The following RYR3 variants were observed in gnomAD, a reference collection of about 807,000 sequenced individuals.
RYR3 encodes ryanodine receptor 3, also known as brain ryanodine receptor-calcium release channel.
RYR3 carries 207 observed loss-of-function variants against 584.3 expected under a neutral mutation model. The ratio of observed to expected loss-of-function variants is 0.35; its 90% CI spans 0.32 to 0.40. The LOEUF is 0.40. Ranked by LOEUF, RYR3 falls within the 10% of genes least tolerant of loss-of-function variation. RYR3 has a pLI of 1.00. For missense variants in RYR3, 5,616 were observed against 6,089.2 expected, an observed-to-expected ratio of 0.92 and a Z score of 2.59; for synonymous variants, 2,416 against 2,248.5, an observed-to-expected ratio of 1.07 and a Z score of -2.11.
chr15:33,739,709 C>T (rs1401947857), intron 50 of RYR3, 123 bp from the exon 51 acceptor site: 13 of 717,926 alleles, frequency 1.8e-5, no homozygotes, highest in Admixed American at 3.0e-5. Context: ...ACACATTTCC[C>T]GTTTTGGTTA....
At chr15:33,781,361 C>T (rs959182354) in intron 65 of RYR3, among the ~76,000 whole-genome samples, 2 of 152,138 alleles carry the variant, frequency 1.3e-5, no homozygotes, top group Non-Finnish European at 2.9e-5. Context: ...TATTTTCAAC[C>T]AGAGCTTTTT....
At chr15:33,738,715 A>G (rs2069762444) in intron 50 of RYR3, 125 bp downstream of exon 50, 2 of 998,850 alleles carry the variant, frequency 2.0e-6, no homozygotes, top group South Asian at 1.6e-5. Flanking sequence ...TCACAAGCAT[A>G]TTACGCCAAT....
rs964676155 is a variant in RYR3, at chr15:33,785,991, C to T, written c.9589+9C>T. ...GATGAAGCGCATTGCAGGTACCGAC[C>T]CCTTTCTCCCCAGTCCCCAGCCCAG... On this transcript the variant is annotated intron_variant, in intron 66 of 103. Transcript: ENST00000634891. 1 of 1,536,308 alleles carries T rather than the reference C, an allele frequency of 6.5e-7. No individual in the cohort carries two copies. Among genetic ancestry groups the T allele is most frequent in the South Asian group, 1.3e-5 (1 of 78,366 alleles).
At chr15:33,333,149 C>T (rs1970566475) in intron 1 of RYR3, among the ~76,000 whole-genome samples, 2 of 149,754 alleles carry the variant, frequency 1.3e-5, no homozygotes, top group South Asian at 4.2e-4. Flanking sequence ...AGAGATGGTA[C>T]CATTCCTACT....
rs2074396794 is a variant in RYR3 at position 33,781,822 on chromosome 15, AC to A, written c.9268+1484del. Among the ~76,000 whole-genome samples, 11 of 106,876 alleles carry A rather than the reference AC, an allele frequency of 1.0e-4. No individual in the cohort carries two copies. In the South Asian group the frequency reaches 3.8e-3, roughly 37 times the overall value. The allele number at this position is 106,876 out of a possible 152,430, so 70.1% of individuals were successfully genotyped here. ...TCCTCAACCGCTTCAGCCTCATCTCACCCTTTCTTCCCTTTGAAATTAGCAA... is the reference window on the plus strand; with the variant it reads ...TCCTCAACCGCTTCAGCCTCATCTCACCTTTCTTCCCTTTGAAATTAGCAA... On this transcript the variant is annotated intron_variant, in intron 65 of 103. Coordinates refer to ENST00000634891, the MANE Select transcript of RYR3 (RefSeq NM_001036.6).
At chr15:33,847,402 G>C (rs1165709910) in intron 93 of RYR3, among the ~76,000 whole-genome samples, 4 of 152,228 alleles carry the variant, frequency 2.6e-5, no homozygotes, top group Non-Finnish European at 5.9e-5. Flanking sequence ...ATGTTGCCAA[G>C]TAGCCAGTGG....
chr15:33,388,392 T>G (rs936379448), intron 1 of RYR3, among the ~76,000 whole-genome samples: 1 of 152,032 alleles, frequency 6.6e-6, no homozygotes, highest in African/African-American at 2.4e-5. Context: ...GGAAGGAGAA[T>G]CCCAGGTTGA....
At chr15:33,753,727 G>A (rs113188215) in intron 57 of RYR3, among the ~76,000 whole-genome samples, 10 of 152,034 alleles carry the variant, frequency 6.6e-5, no homozygotes, top group Admixed American at 4.6e-4. Context: ...CCGTGTTGTC[G>A]AACAGGAAAG....
intron 3 of RYR3, among the ~76,000 whole-genome samples, chr15:33,515,697 T>C (rs2053452983): frequency 6.6e-6 from 1 of 152,254 alleles, no homozygotes; most frequent in Non-Finnish European, 1.5e-5. Flanking sequence ...GGCTGAACCC[T>C]GGTCCAAACA....
intron 1 of RYR3, among the ~76,000 whole-genome samples, chr15:33,387,796 C>G (rs1751448529): frequency 6.6e-6 from 1 of 151,728 alleles, no homozygotes. Flanking sequence ...TAATGTATAA[C>G]TGTATAATGT....
At chr15:33,777,485 T>C (rs560323306) in intron 64 of RYR3, among the ~76,000 whole-genome samples, 38 of 152,268 alleles carry the variant, frequency 2.5e-4, no homozygotes, top group South Asian at 2.1e-3. Flanking sequence ...CTTTTTTTTT[T>C]CCCCTGGGTT....
intron 1 of RYR3, among the ~76,000 whole-genome samples, chr15:33,411,426 T>C (rs1436291613): frequency 6.6e-6 from 1 of 152,148 alleles, no homozygotes; most frequent in Non-Finnish European, 1.5e-5. Flanking sequence ...ATCTATACGT[T>C]CTTTTCATAT....
intron 1 of RYR3, among the ~76,000 whole-genome samples, chr15:33,328,583 C>T (rs929912288): frequency 2.0e-5 from 3 of 152,200 alleles, no homozygotes; most frequent in Non-Finnish European, 2.9e-5. Flanking sequence ...GGGAACATTA[C>T]ATATAAGCAA....
chr15:33,745,713 T>G lies in RYR3; in HGVS notation c.7900-355T>G, dbSNP rs1346787729. Among the ~76,000 whole-genome samples the G allele has an allele frequency of 4.6e-5, 7 of 152,294 alleles. No homozygotes were observed. The East Asian group carries it at 1.4e-3, about 29-fold the overall frequency. Reference sequence around the variant, plus strand: ...TAGGCAGTGGCAATAGGTCCAGTCTTCCCAGGCCTTCCAGTCCTAGCCTCT... The same window carrying G: ...TAGGCAGTGGCAATAGGTCCAGTCTGCCCAGGCCTTCCAGTCCTAGCCTCT... On this transcript the variant is annotated intron_variant, in intron 52 of 103. Coordinates refer to ENST00000634891, the MANE Select transcript of RYR3 (RefSeq NM_001036.6).
At chr15:33,575,149 A>G (rs952637119) in intron 12 of RYR3, among the ~76,000 whole-genome samples, 1 of 151,900 alleles carries the variant, frequency 6.6e-6, no homozygotes, top group African/African-American at 2.4e-5. Context: ...GAGACCTGCA[A>G]AGAGACTTAG....
intron 2 of RYR3, among the ~76,000 whole-genome samples, chr15:33,488,230 A>T (rs967085439): frequency 1.3e-5 from 2 of 152,194 alleles, no homozygotes; most frequent in African/African-American, 4.8e-5. Flanking sequence ...TTCAGTGTGT[A>T]AAGTAGCACC....
intron 43 of RYR3, among the ~76,000 whole-genome samples, chr15:33,717,133 G>T (rs2067554165): frequency 6.6e-6 from 1 of 152,088 alleles, no homozygotes; most frequent in African/African-American, 2.4e-5. Context: ...CAAAATATCT[G>T]GGCTACTACT....
intron 12 of RYR3, among the ~76,000 whole-genome samples, chr15:33,578,422 C>T (rs1416518766): frequency 2.0e-5 from 3 of 152,138 alleles, no homozygotes; most frequent in Non-Finnish European, 4.4e-5. Flanking sequence ...GAATACTATG[C>T]ACCCATAAAA....
intron 1 of RYR3, among the ~76,000 whole-genome samples, chr15:33,416,826 G>A (rs2676045): frequency 0.15 from 22,153 of 152,016 alleles, 2,680 homozygotes; most frequent in African/African-American, 0.33. Flanking sequence ...GTGTGAGGTC[G>A]TACATTTAAG....
Sources: allele counts gnomAD v4.1 joint callset (sites outside exome capture counted in the v4.1 genomes callset), GRCh38; gene constraint gnomAD v4.1.1; transcripts MANE v1.5; gene names NCBI Gene and HGNC (gene_info 2026-07-23, HGNC 2026-07-21).